The following PDE1A variants were observed in gnomAD, a reference collection of about 807,000 sequenced individuals.
PDE1A encodes dual specificity calcium/calmodulin-dependent 3',5'-cyclic nucleotide phosphodiesterase 1A.
In PDE1A, 35 loss-of-function variants were observed where a neutral mutation model predicts 61.7. The ratio of observed to expected loss-of-function variants is 0.57; its 90% CI spans 0.43 to 0.75. The LOEUF (loss-of-function observed/expected upper bound fraction) is 0.75, where lower values mean the gene tolerates loss of function less well. Ranked by LOEUF, PDE1A falls within the 30% of genes least tolerant of loss-of-function variation. The pLI, the probability that PDE1A is intolerant of heterozygous loss-of-function variation, is 0.00. For synonymous variants in PDE1A, 232 were observed against 213.2 expected, an observed-to-expected ratio of 1.09 and a Z score of -0.77; for missense variants, 597 against 630.6, an observed-to-expected ratio of 0.95 and a Z score of 0.57.
At chr2:182,295,600 C>A (rs999719034) in intron 1 of PDE1A, among the ~76,000 whole-genome samples, 2 of 152,112 alleles carry the variant, frequency 1.3e-5, no homozygotes, top group Admixed American at 6.6e-5. Context: ...AGGGATATGA[C>A]CATGGCTTAA....
chr2:182,230,953 T>C (rs1459493936), intron 5 of PDE1A, 62 bp downstream of exon 5: 7 of 812,684 alleles, frequency 8.6e-6, no homozygotes, highest in Non-Finnish European at 1.4e-5. Flanking sequence ...ATGTTCTGCA[T>C]TTTCATTCTT....
At chr2:182,567,437 A>T in the PDE1A span, among the ~76,000 whole-genome samples, 1 of 152,240 alleles carries the variant, frequency 6.6e-6, no homozygotes, top group East Asian at 1.9e-4. Context: ...TTTAAAACAA[A>T]GAGTCAAATA....
chr2:182,624,948 C>T, the PDE1A span, among the ~76,000 whole-genome samples: 1 of 152,032 alleles, frequency 6.6e-6, no homozygotes, highest in Non-Finnish European at 1.5e-5. Flanking sequence ...CCTGCTTGTG[C>T]CCCCAAAATT....
At position 182,240,308 on chromosome 2, in the gene PDE1A, C is replaced by A; in HGVS notation, c.168-16G>T. On this transcript the variant is annotated splice_polypyrimidine_tract_variant and intron_variant, in intron 2 of 13. Coordinates refer to ENST00000351439, the Ensembl canonical transcript of PDE1A. ...CAGAAGTCTTCTACAAAAATTTATACAGATTAAACTTTTTTATAAAAAAGT... is the reference window on the plus strand; with the variant it reads ...CAGAAGTCTTCTACAAAAATTTATAAAGATTAAACTTTTTTATAAAAAAGT... 6.7e-7 allele frequency: 1 copy of A among 1,488,272 alleles called. No individual in the cohort carries two copies. The highest frequency in any genetic ancestry group is 9.0e-7 in the Non-Finnish European group (1 of 1,112,710). The allele number at this position is 1,488,272 out of a possible 1,614,324, so 92.2% of individuals were successfully genotyped here. A position where few individuals can be genotyped will look rare whatever the true frequency, so the allele number is the denominator to read the frequency against.
chr2:182,677,516 T>C, the PDE1A span, among the ~76,000 whole-genome samples: 3 of 152,298 alleles, frequency 2.0e-5, no homozygotes, highest in South Asian at 2.1e-4. Context: ...AAAGTACTGA[T>C]GACATTCCTC....
chr2:182,386,595 G>A (rs1387292830), intron 1 of PDE1A, among the ~76,000 whole-genome samples: 1 of 150,458 alleles, frequency 6.6e-6, no homozygotes, highest in Non-Finnish European at 1.5e-5. Flanking sequence ...GAAGTGAGGA[G>A]CCCCTCCGCC....
At chr2:182,594,085 A>C in the PDE1A span, among the ~76,000 whole-genome samples, 1 of 152,188 alleles carries the variant, frequency 6.6e-6, no homozygotes, top group Non-Finnish European at 1.5e-5. Context: ...TTACTTTATA[A>C]ATAAAAAGAC....
At chr2:182,594,373 G>T in the PDE1A span, among the ~76,000 whole-genome samples, 2 of 152,188 alleles carry the variant, frequency 1.3e-5, no homozygotes, top group African/African-American at 4.8e-5. Context: ...TTAAGCAATT[G>T]TTGAAGATCT....
intron 2 of PDE1A, among the ~76,000 whole-genome samples, chr2:182,486,300 AAAG>A (rs1248219630): frequency 6.6e-6 from 1 of 152,086 alleles, no homozygotes; most frequent in Non-Finnish European, 1.5e-5. Flanking sequence ...GAGAGAAATT[AAAG>A]AATATAAAAG....
At chr2:182,457,749 C>G (rs982580938) in intron 2 of PDE1A, among the ~76,000 whole-genome samples, 3 of 151,934 alleles carry the variant, frequency 2.0e-5, no homozygotes, top group African/African-American at 7.2e-5. Context: ...GTGCTTTAGA[C>G]TTATATATTG....
chr2:182,472,601 G>A (rs1002761873), intron 2 of PDE1A, among the ~76,000 whole-genome samples: 1 of 151,766 alleles, frequency 6.6e-6, no homozygotes. Flanking sequence ...GTTGCTTGGT[G>A]GGTACAAAGT....
chr2:182,672,201 A>C, the PDE1A span, among the ~76,000 whole-genome samples: 1 of 152,210 alleles, frequency 6.6e-6, no homozygotes, highest in African/African-American at 2.4e-5. Context: ...GTTATATGGT[A>C]ATTGTTCCCA....
At chr2:182,705,139 C>T in the PDE1A span, among the ~76,000 whole-genome samples, 1 of 152,132 alleles carries the variant, frequency 6.6e-6, no homozygotes, top group Non-Finnish European at 1.5e-5. Flanking sequence ...CTCCAGGTGT[C>T]CTGAAGGGCC....
At chr2:182,440,448 A>G (rs1206702134) in intron 2 of PDE1A, among the ~76,000 whole-genome samples, 1 of 152,114 alleles carries the variant, frequency 6.6e-6, no homozygotes, top group Non-Finnish European at 1.5e-5. Context: ...GCATGCCTTT[A>G]AATCATACCA....
chr2:182,518,482 G>A (rs1690354553), intron 2 of PDE1A, among the ~76,000 whole-genome samples: 1 of 152,140 alleles, frequency 6.6e-6, no homozygotes, highest in Admixed American at 6.6e-5. Context: ...TTAACTTAAT[G>A]TCTTTCAAGC....
At chr2:182,464,167 C>A (rs1173118875) in intron 2 of PDE1A, among the ~76,000 whole-genome samples, 1 of 152,112 alleles carries the variant, frequency 6.6e-6, no homozygotes, top group East Asian at 1.9e-4. Context: ...CTACTGATAT[C>A]ATGGAGATTC....
At chr2:182,635,698 C>CCA in the PDE1A span, among the ~76,000 whole-genome samples, 1 of 147,514 alleles carries the variant, frequency 6.8e-6, no homozygotes, top group African/African-American at 2.5e-5. Context: ...CTCTCTCTCT[C>CCA]TCCACATATG....
At chr2:182,671,871 G>A in the PDE1A span, among the ~76,000 whole-genome samples, 64 of 150,684 alleles carry the variant, frequency 4.2e-4, no homozygotes, top group Admixed American at 1.5e-3. Context: ...TGCCCACCTC[G>A]GCCTCCCAAA....
At chr2:182,674,838 A>C in the PDE1A span, among the ~76,000 whole-genome samples, 3 of 152,252 alleles carry the variant, frequency 2.0e-5, no homozygotes, top group South Asian at 4.1e-4. Context: ...TGTGCATAAT[A>C]ATCCCAGCAG....
Sources: gnomAD v4.1 joint callset for allele counts (sites outside exome capture counted in the v4.1 genomes callset) on GRCh38, gnomAD v4.1.1 for gene constraint, MANE v1.5 for transcripts, NCBI Gene and HGNC (gene_info 2026-07-23, HGNC 2026-07-21) for gene names.